ZNF678: variants seen among roughly 807,000 people sequenced by gnomAD.
ZNF678 encodes hypothetical protein MGC42493.
Under a neutral mutation model 3.0 loss-of-function variants are expected in ZNF678, and 5 were observed. That is an observed-to-expected ratio of 1.69 (90% CI 0.88 to 3.56). ZNF678 has a LOEUF of 3.56. Among genes scored for constraint, ZNF678 ranks in the 30% most tolerant of loss-of-function variants. The pLI is 0.00. For synonymous variants in ZNF678, 218 were observed against 199.6 expected, an observed-to-expected ratio of 1.09 and a Z score of -0.78; for missense variants, 593 against 605.0, an observed-to-expected ratio of 0.98 and a Z score of 0.21.
chr1:227,603,354 G>C (rs1657783368), intron 1 of ZNF678, among the ~76,000 whole-genome samples: 2 of 152,208 alleles, frequency 1.3e-5, no homozygotes, highest in South Asian at 4.1e-4. Context: ...GCCTTTATTT[G>C]TATGGGGTAC....
Position 227,654,643 on chromosome 1 carries a change from C to T in ZNF678, c.393C>T (p.Gly131=), listed in dbSNP as rs981544129. The T allele has an allele frequency of 1.9e-6, 3 of 1,613,072 alleles. No individual in the cohort carries two copies. Among genetic ancestry groups the T allele is most frequent in the Admixed American group, 1.7e-5 (1 of 59,856 alleles). Residue 131 remains glycine, a synonymous_variant, in exon 4 of 4, where the codon GGC becomes GGT. Coordinates refer to ENST00000343776, the MANE Select transcript of ZNF678 (RefSeq NM_001367909.1). ...GEKPYKCEEC[G]KVFNRCSNLT... ...AGCCATACAAATGTGAAGAATGTGGCAAAGTTTTCAATCGATGTTCAAACC... is the reference window on the plus strand; with the variant it reads ...AGCCATACAAATGTGAAGAATGTGGTAAAGTTTTCAATCGATGTTCAAACC...
At chr1:227,626,928 C>T (rs953882479) in intron 1 of ZNF678, among the ~76,000 whole-genome samples, 1 of 151,366 alleles carries the variant, frequency 6.6e-6, no homozygotes, top group Admixed American at 6.6e-5. Context: ...ACCTCATGGG[C>T]CTGTTCTGTC....
At chr1:227,620,255 G>A (rs148669406) in intron 1 of ZNF678, among the ~76,000 whole-genome samples, 12 of 152,258 alleles carry the variant, frequency 7.9e-5, no homozygotes, top group Admixed American at 2.6e-4. Context: ...GATAAAACAG[G>A]CTGGTTACCC....
chr1:227,607,290 G>T (rs1350152163), intron 1 of ZNF678, among the ~76,000 whole-genome samples: 1 of 152,120 alleles, frequency 6.6e-6, no homozygotes, highest in Non-Finnish European at 1.5e-5. Context: ...AAAAAATGAG[G>T]CTTTGAGGCT....
chr1:227,607,667 A>G lies in ZNF678; in HGVS notation c.-163-38877A>G, dbSNP rs1376050292. 3.4e-5 allele frequency among the ~76,000 whole-genome samples: 5 copies of G among 148,940 alleles called. No homozygotes were observed. The Admixed American group carries it at 3.4e-4, about 10-fold the overall frequency. On this transcript the variant is annotated intron_variant, in intron 1 of 3. Coordinates refer to ENST00000343776, the MANE Select transcript of ZNF678 (RefSeq NM_001367909.1). ...ACGTCTTAAATATATAGCTATTTAA[A>G]ATAACTATATATAATTTTAAATAGT... is the stretch of plus-strand genomic sequence containing the variant.
chr1:227,593,864 CCCCT>C lies in ZNF678; in HGVS notation c.-164+30141_-164+30144del, dbSNP rs1356555670. 6.0e-3 allele frequency among the ~76,000 whole-genome samples: 783 copies of C among 129,900 alleles called. 14 individuals are homozygous for C. The highest frequency in any genetic ancestry group is 0.033 in the South Asian group (132 of 3,946). 85.2% of individuals were successfully genotyped at this position (129,900 alleles called of 152,430 possible). ...TGGTGTTATGAGTCCATCCCCCCCCCCCCTTTTTTTTTTTTTTGATGTACGAACA... is the reference window on the plus strand; with the variant it reads ...TGGTGTTATGAGTCCATCCCCCCCCCTTTTTTTTTTTTTGATGTACGAACA... On this transcript the variant is annotated intron_variant, in intron 1 of 3. Transcript: ENST00000343776.
intron 1 of ZNF678, among the ~76,000 whole-genome samples, chr1:227,608,799 A>G (rs1188085457): frequency 1.3e-5 from 2 of 152,176 alleles, no homozygotes; most frequent in Non-Finnish European, 2.9e-5. Flanking sequence ...GGAAAAGTAA[A>G]TCTAGAGAAG....
rs764188580 is a variant in ZNF678, at chr1:227,658,950, C to T, written c.*3122C>T. ...AAAGAAACATCAGAATTTGGAAACC[C>T]CTTAAGCAAAAATATATCTTAGAAA... On this transcript the variant is annotated 3_prime_UTR_variant, in exon 4 of 4. Transcript: ENST00000343776. 2.0e-5 allele frequency: 3 copies of T among 151,782 alleles called. No homozygotes were observed. Among genetic ancestry groups the T allele is most frequent in the Non-Finnish European group, 2.9e-5 (2 of 67,932 alleles). 9.4% of individuals were successfully genotyped at this position (151,782 alleles called of 1,614,324 possible).
chr1:227,593,645 G>A (rs1267224683), intron 1 of ZNF678, among the ~76,000 whole-genome samples: 1 of 152,076 alleles, frequency 6.6e-6, no homozygotes, highest in Non-Finnish European at 1.5e-5. Context: ...GGTATAACAA[G>A]GCAAGCATTA....
At chr1:227,572,239 CT>C (rs1285354221) in intron 1 of ZNF678, among the ~76,000 whole-genome samples, 1 of 152,260 alleles carries the variant, frequency 6.6e-6, no homozygotes, top group African/African-American at 2.4e-5. Flanking sequence ...AAGGTGATGG[CT>C]TAGAGTGAGG....
intron 5 of ZNF678, among the ~76,000 whole-genome samples, chr1:227,668,684 AAT>A: frequency 6.6e-6 from 1 of 152,314 alleles, no homozygotes; most frequent in African/African-American, 2.4e-5. Context: ...CAGTTTTAAA[AAT>A]ATGTTTAAAA....
intron 1 of ZNF678, among the ~76,000 whole-genome samples, chr1:227,642,743 G>A (rs1658853592): frequency 6.6e-6 from 1 of 151,586 alleles, no homozygotes; most frequent in African/African-American, 2.4e-5. Context: ...ACTGTTGATG[G>A]GGTTGTATTC....
At chr1:227,597,838 A>C (rs1415375412) in intron 1 of ZNF678, among the ~76,000 whole-genome samples, 1 of 152,170 alleles carries the variant, frequency 6.6e-6, no homozygotes, top group Non-Finnish European at 1.5e-5. Context: ...CCCAGCTCTG[A>C]CCTCTCAGTG....
At chr1:227,623,270 C>G (rs757143719) in intron 1 of ZNF678, among the ~76,000 whole-genome samples, 18 of 152,224 alleles carry the variant, frequency 1.2e-4, no homozygotes, top group Non-Finnish European at 2.2e-4. Flanking sequence ...ATAGCACTGT[C>G]TATGGAAGGA....
At chr1:227,586,161 G>A (rs910875801) in intron 1 of ZNF678, among the ~76,000 whole-genome samples, 9 of 152,030 alleles carry the variant, frequency 5.9e-5, no homozygotes, top group African/African-American at 1.9e-4. Flanking sequence ...CCACTGTACT[G>A]CAGACTGGGC....
chr1:227,611,577 A>C (rs901579806), intron 1 of ZNF678, among the ~76,000 whole-genome samples: 7 of 152,228 alleles, frequency 4.6e-5, no homozygotes, highest in Non-Finnish European at 1.0e-4. Flanking sequence ...AGAAGAAGCT[A>C]TAAGAGCTGC....
chr1:227,644,707 T>C (rs896174695), intron 1 of ZNF678, among the ~76,000 whole-genome samples: 1 of 152,174 alleles, frequency 6.6e-6, no homozygotes, highest in Non-Finnish European at 1.5e-5. Context: ...GCAAATGATA[T>C]ATGCACATTG....
In ZNF678 at chr1:227,662,416, A is replaced by G. The variant is rs574132048; in HGVS notation, c.*6588A>G. 2.3e-4 allele frequency: 35 copies of G among 152,306 alleles called. No homozygotes were observed. Among genetic ancestry groups the G allele is most frequent in the African/African-American group, 8.2e-4 (34 of 41,570 alleles). 9.4% of individuals were successfully genotyped at this position (152,306 alleles called of 1,614,324 possible). A position where few individuals can be genotyped will look rare whatever the true frequency, so the allele number is the denominator to read the frequency against. On this transcript the variant is annotated 3_prime_UTR_variant, in exon 4 of 4. Coordinates refer to ENST00000343776, the MANE Select transcript of ZNF678 (RefSeq NM_001367909.1). ...TTTTATTTTTTTCTGTTTGGAAAGA[A>G]TACACAGAGCAAGATGATTTACAAT...
At chr1:227,645,827 A>ATT (rs1178986416) in intron 1 of ZNF678, among the ~76,000 whole-genome samples, 2 of 152,164 alleles carry the variant, frequency 1.3e-5, no homozygotes, top group African/African-American at 2.4e-5. Context: ...TGTTAATTTT[A>ATT]TTCACTAGGT....
Sources: gnomAD v4.1 joint callset for allele counts (sites outside exome capture counted in the v4.1 genomes callset) on GRCh38, gnomAD v4.1.1 for gene constraint, MANE v1.5 for transcripts, NCBI Gene and HGNC (gene_info 2026-07-23, HGNC 2026-07-21) for gene names.